UTS2: variants seen among roughly 807,000 people sequenced by gnomAD.
UTS2 encodes urotensin-2.
A neutral mutation model predicts 12.6 loss-of-function variants in UTS2; 10 were observed. The ratio of observed to expected loss-of-function variants is 0.80; its 90% CI spans 0.49 to 1.35. The LOEUF (loss-of-function observed/expected upper bound fraction) is 1.35, where lower values mean the gene tolerates loss of function less well. Among genes scored for constraint, UTS2 ranks in the 40% most tolerant of loss-of-function variants. The pLI is 0.00. For synonymous variants in UTS2, 52 were observed against 50.0 expected, an observed-to-expected ratio of 1.04 and a Z score of -0.17; for missense variants, 142 against 143.2, an observed-to-expected ratio of 0.99 and a Z score of 0.04.
the UTS2 span, among the ~76,000 whole-genome samples, chr1:7,902,218 G>A: frequency 6.6e-6 from 1 of 152,010 alleles, no homozygotes; most frequent in Non-Finnish European, 1.5e-5. Flanking sequence ...GGGTTATACA[G>A]ACCTGACTCC....
chr1:7,863,026 TTGTATTGTATTG>T, the UTS2 span, among the ~76,000 whole-genome samples: 1,132 of 51,832 alleles, frequency 0.022, 86 homozygotes, highest in Non-Finnish European at 0.028. Context: ...TTGTATTGTA[TTGTATTGTATTG>T]TATTGTATTG....
At chr1:7,856,036 G>A (rs998123187), upstream of UTS2, among the ~76,000 whole-genome samples, 1 of 151,744 alleles carries the variant, frequency 6.6e-6, no homozygotes, top group African/African-American at 2.4e-5. Flanking sequence ...TTGCTATGTT[G>A]CCCAGGCTGG....
At position 7,850,885 on chromosome 1, in the gene UTS2, T is replaced by C; in HGVS notation, c.141A>G (p.Leu47=). Reference sequence around the variant, plus strand: ...GTATCTGTAGAAGGGAAGCTCTTTCTAGCTCCTCCGGAGTTAAGCGCGCGT... The same window carrying C: ...GTATCTGTAGAAGGGAAGCTCTTTCCAGCTCCTCCGGAGTTAAGCGCGCGT... The part of the protein sequence containing the change: ...HEDARLTPEE[L]ERASLLQILP... Residue 47 remains leucine (L), a synonymous_variant, in exon 2 of 4, where the codon CTA becomes CTG. Transcript: ENST00000361696. 6.2e-7 allele frequency: 1 copy of C among 1,614,152 alleles called. No individual in the cohort carries two copies. The highest frequency in any genetic ancestry group is 8.5e-7 in the Non-Finnish European group (1 of 1,179,980).
At chr1:7,897,889 G>T in the UTS2 span, among the ~76,000 whole-genome samples, 1 of 152,042 alleles carries the variant, frequency 6.6e-6, no homozygotes, top group Non-Finnish European at 1.5e-5. Flanking sequence ...GCCCGACCAT[G>T]TTTCATAATC....
At chr1:7,870,368 C>G in the UTS2 span, among the ~76,000 whole-genome samples, 35 of 152,276 alleles carry the variant, frequency 2.3e-4, no homozygotes, top group South Asian at 2.1e-3. Flanking sequence ...CCTGCCAACA[C>G]CTTGATCTTG....
chr1:7,867,479 A>G, the UTS2 span, among the ~76,000 whole-genome samples: 1 of 152,318 alleles, frequency 6.6e-6, no homozygotes, highest in East Asian at 1.9e-4. Flanking sequence ...ACACATGCAC[A>G]CGGAGAAAGG....
the UTS2 span, among the ~76,000 whole-genome samples, chr1:7,866,602 G>A: frequency 4.6e-5 from 7 of 152,098 alleles, no homozygotes; most frequent in Non-Finnish European, 8.8e-5. This position sits in a 1 kb window ranked among gnomAD's most constrained non-coding sequence, Gnocchi z 4.5. Context: ...TCTCCAAGAC[G>A]CAGCCAAGGG....
In UTS2 at chr1:7,848,189, T is replaced by C. The variant is rs558863596; in HGVS notation, c.259-307A>G. 3.3e-5 allele frequency among the ~76,000 whole-genome samples: 5 copies of C among 152,250 alleles called. No individual in the cohort carries two copies. The East Asian group carries it at 9.7e-4, about 30-fold the overall frequency. On this transcript the variant is annotated intron_variant, in intron 3 of 3. Coordinates refer to ENST00000361696, the MANE Select transcript of UTS2 (RefSeq NM_006786.4). ...AGCGGCTGGGCAGGTGGCTCATGCC[T>C]ATAATCCTAGCACTTTAGGAGGCTG... is the stretch of plus-strand genomic sequence containing the variant.
chr1:7,880,333 C>T, the UTS2 span, among the ~76,000 whole-genome samples: 4 of 139,618 alleles, frequency 2.9e-5, no homozygotes, highest in African/African-American at 1.1e-4. Context: ...CTTAAAAAAT[C>T]ACAAAGGATC....
the UTS2 span, among the ~76,000 whole-genome samples, chr1:7,892,869 G>A: frequency 2.6e-5 from 4 of 152,076 alleles, no homozygotes; most frequent in East Asian, 1.9e-4. Flanking sequence ...CCATCTCAAC[G>A]TCCTTAACTT....
chr1:7,910,517 C>T, the UTS2 span, among the ~76,000 whole-genome samples: 6 of 152,138 alleles, frequency 3.9e-5, no homozygotes, highest in African/African-American at 1.4e-4. Context: ...CATGGCTGTC[C>T]ATACTCTGTT....
At chr1:7,893,793 C>T in the UTS2 span, among the ~76,000 whole-genome samples, 3 of 152,178 alleles carry the variant, frequency 2.0e-5, no homozygotes, top group Non-Finnish European at 4.4e-5. Flanking sequence ...TATATTTCGT[C>T]GCACTTTTTA....
At chr1:7,886,174 C>T in the UTS2 span, among the ~76,000 whole-genome samples, 1 of 152,092 alleles carries the variant, frequency 6.6e-6, no homozygotes, top group Non-Finnish European at 1.5e-5. Flanking sequence ...TGAGTCTCCC[C>T]GGGAGGGGGG....
chr1:7,874,347 G>T, the UTS2 span, among the ~76,000 whole-genome samples: 1 of 152,150 alleles, frequency 6.6e-6, no homozygotes, highest in Non-Finnish European at 1.5e-5. Context: ...TGAGACCTGA[G>T]CAGCTGCAGC....
upstream of UTS2, among the ~76,000 whole-genome samples, chr1:7,857,067 A>AAG (rs963989092): frequency 6.9e-6 from 1 of 145,490 alleles, no homozygotes; most frequent in African/African-American, 2.6e-5. Flanking sequence ...TAGGAAAAGA[A>AAG]AGAGAGAGAG....
At chr1:7,855,706 TA>T (rs1638292560), upstream of UTS2, among the ~76,000 whole-genome samples, 2 of 150,796 alleles carry the variant, frequency 1.3e-5, no homozygotes, top group South Asian at 2.1e-4. Context: ...TTATTATTAT[TA>T]TTTTATTATT....
the UTS2 span, among the ~76,000 whole-genome samples, chr1:7,863,007 TG>T: frequency 1.2e-3 from 25 of 20,534 alleles, 1 homozygote; most frequent in East Asian, 3.8e-3. Context: ...TGTATTGTAT[TG>T]TATTGTATTG....
the UTS2 span, among the ~76,000 whole-genome samples, chr1:7,862,641 G>A: frequency 1.3e-5 from 2 of 152,074 alleles, no homozygotes; most frequent in African/African-American, 4.8e-5. Context: ...CAGGAAGCAA[G>A]AGAGAGACAG....
the UTS2 span, among the ~76,000 whole-genome samples, chr1:7,906,419 GA>G: frequency 1.5e-3 from 164 of 109,436 alleles, no homozygotes; most frequent in African/African-American, 5.7e-3. Context: ...AGAAAGAAAA[GA>G]AAGAAAGGAA....
Sources: allele counts gnomAD v4.1 joint callset (sites outside exome capture counted in the v4.1 genomes callset), GRCh38; gene constraint gnomAD v4.1.1; non-coding constraint Gnocchi (gnomAD v3.1); transcripts MANE v1.5; gene names NCBI Gene and HGNC (gene_info 2026-07-23, HGNC 2026-07-21).